The following LRRC4C variants were observed in gnomAD, a reference collection of about 807,000 sequenced individuals.
LRRC4C encodes leucine-rich repeat-containing protein 4C.
In LRRC4C, 5 loss-of-function variants were observed where a neutral mutation model predicts 33.6. That is an observed-to-expected ratio of 0.15 (90% CI 0.08 to 0.31). The LOEUF is 0.31. Among genes scored for constraint, LRRC4C ranks in the 10% least tolerant of loss-of-function variants. LRRC4C has a pLI of 1.00. For missense variants in LRRC4C, 560 were observed against 796.7 expected, an observed-to-expected ratio of 0.70 and a Z score of 3.58; for synonymous variants, 329 against 302.0, an observed-to-expected ratio of 1.09 and a Z score of -0.93.
intron 2 of LRRC4C, among the ~76,000 whole-genome samples, chr11:40,840,897 T>C (rs1952882316): frequency 6.6e-6 from 1 of 152,222 alleles, no homozygotes; most frequent in South Asian, 2.1e-4. Context: ...ACTTCTTCAC[T>C]TTATTTTCCA....
chr11:40,602,490 T>G (rs1960118995), intron 3 of LRRC4C, among the ~76,000 whole-genome samples: 1 of 151,904 alleles, frequency 6.6e-6, no homozygotes, highest in Admixed American at 6.6e-5. Flanking sequence ...AAATACAAAT[T>G]GTAATTATGA....
chr11:41,377,922 C>A (rs984317441), intron 1 of LRRC4C, among the ~76,000 whole-genome samples: 1 of 152,108 alleles, frequency 6.6e-6, no homozygotes, highest in Non-Finnish European at 1.5e-5. Context: ...AGGAGGCAAT[C>A]GCCCTCTTGA....
At chr11:41,399,536 T>C (rs1041104554) in intron 1 of LRRC4C, among the ~76,000 whole-genome samples, 1 of 151,994 alleles carries the variant, frequency 6.6e-6, no homozygotes, top group African/African-American at 2.4e-5. Flanking sequence ...TCAGAGGTAC[T>C]GTAGGGCTCA....
chr11:40,988,780 G>C lies in LRRC4C; in HGVS notation c.-495-55057C>G, dbSNP rs140949300. 3.5e-3 allele frequency among the ~76,000 whole-genome samples: 509 copies of C among 144,714 alleles called. 5 individuals are homozygous for C. The highest frequency in any genetic ancestry group is 0.012 in the African/African-American group (486 of 38,972). The allele number at this position is 144,714 out of a possible 152,430, so 94.9% of individuals were successfully genotyped here. A position where few individuals can be genotyped will look rare whatever the true frequency, so the allele number is the denominator to read the frequency against. Reference sequence around the variant, plus strand: ...CGCCCAGGCTGGAGTGCAGTGGGGAGATCTCGGCCCACTGCAAGCTCCACC... The same window carrying C: ...CGCCCAGGCTGGAGTGCAGTGGGGACATCTCGGCCCACTGCAAGCTCCACC... On this transcript the variant is annotated intron_variant, in intron 1 of 6. Coordinates refer to ENST00000528697, the MANE Select transcript of LRRC4C (RefSeq NM_001258419.2).
chr11:41,227,805 T>C (rs1288860634), intron 1 of LRRC4C, among the ~76,000 whole-genome samples: 1 of 152,166 alleles, frequency 6.6e-6, no homozygotes, highest in Non-Finnish European at 1.5e-5. Flanking sequence ...ATGTATCCTT[T>C]ACATTCCAAA....
At chr11:40,879,059 A>G (rs1344592710) in intron 2 of LRRC4C, among the ~76,000 whole-genome samples, 1 of 152,170 alleles carries the variant, frequency 6.6e-6, no homozygotes, top group Non-Finnish European at 1.5e-5. Flanking sequence ...TATCATCTAT[A>G]ATAATACTGA....
At chr11:40,799,702 C>T (rs577091596) in intron 2 of LRRC4C, among the ~76,000 whole-genome samples, 63 of 152,290 alleles carry the variant, frequency 4.1e-4, no homozygotes, top group Admixed American at 7.2e-4. Context: ...ATTCCTGCCT[C>T]AAGTGATTCA....
chr11:41,410,069 G>T (rs1178862697), intron 1 of LRRC4C, among the ~76,000 whole-genome samples: 1 of 152,136 alleles, frequency 6.6e-6, no homozygotes, highest in Non-Finnish European at 1.5e-5. Flanking sequence ...TTCACAAGGG[G>T]CCTATGTAGG....
At chr11:40,232,081 G>A (rs556507642) in intron 5 of LRRC4C, among the ~76,000 whole-genome samples, 1 of 152,088 alleles carries the variant, frequency 6.6e-6, no homozygotes, top group African/African-American at 2.4e-5. Flanking sequence ...ATCTGGGCTC[G>A]CTGCAACCTC....
At position 40,114,307 on chromosome 11, in the gene LRRC4C, G is replaced by A; in HGVS notation, c.*63C>T. On this transcript the variant is annotated 3_prime_UTR_variant, in exon 7 of 7. Transcript: ENST00000528697. Reference sequence around the variant, plus strand: ...AACAGTAGATTTAGCCCAGTCATTTGTGTCATTTTTAATAAACTGTCTTTT... The same window carrying A: ...AACAGTAGATTTAGCCCAGTCATTTATGTCATTTTTAATAAACTGTCTTTT... 1.4e-6 allele frequency: 2 copies of A among 1,470,584 alleles called. No individual in the cohort carries two copies. Among genetic ancestry groups the A allele is most frequent in the Non-Finnish European group, 1.8e-6 (2 of 1,102,602 alleles). The allele number at this position is 1,470,584 out of a possible 1,614,324, so 91.1% of individuals were successfully genotyped here.
chr11:41,398,324 G>A (rs1039164454), intron 1 of LRRC4C, among the ~76,000 whole-genome samples: 5 of 151,672 alleles, frequency 3.3e-5, no homozygotes, highest in African/African-American at 1.2e-4. Flanking sequence ...AATGTAGTAC[G>A]TACCACCTAC....
chr11:40,459,008 T>C (rs540596613), intron 3 of LRRC4C, among the ~76,000 whole-genome samples: 3 of 152,222 alleles, frequency 2.0e-5, no homozygotes, highest in South Asian at 4.1e-4. Flanking sequence ...TACATGCATA[T>C]ACAGAGATAA....
chr11:40,281,265 G>A (rs780951738), intron 4 of LRRC4C, among the ~76,000 whole-genome samples: 1 of 152,102 alleles, frequency 6.6e-6, no homozygotes, highest in Non-Finnish European at 1.5e-5. Flanking sequence ...TTTTCAGTTA[G>A]TAAAAATCGG....
intron 3 of LRRC4C, among the ~76,000 whole-genome samples, chr11:40,495,875 G>A (rs1192398155): frequency 8.3e-6 from 1 of 121,082 alleles, no homozygotes; most frequent in African/African-American, 3.2e-5. Context: ...TATCGCCCAG[G>A]CTGGAGTGTA....
rs535125194 is a variant in LRRC4C at position 41,349,802 on chromosome 11, G to C, written c.-496+109629C>G. 1.7e-4 allele frequency among the ~76,000 whole-genome samples: 26 copies of C among 152,192 alleles called. 1 individual carries two copies. In the East Asian group the frequency reaches 5.0e-3, roughly 29 times the overall value. On this transcript the variant is annotated intron_variant, in intron 1 of 6. Transcript: ENST00000528697. Reference sequence around the variant, plus strand: ...ACAGCCACACTAGGTCCCCAGCAATGATTCTTTTTTTTCTTTGAAATATTT... The same window carrying C: ...ACAGCCACACTAGGTCCCCAGCAATCATTCTTTTTTTTCTTTGAAATATTT...
chr11:40,541,448 C>T (rs1956703803), intron 3 of LRRC4C, among the ~76,000 whole-genome samples: 2 of 151,988 alleles, frequency 1.3e-5, no homozygotes, highest in Admixed American at 6.6e-5. Flanking sequence ...TGGTAAAAGC[C>T]ATCTTTTCTA....
chr11:40,746,066 AAGG>A (rs1948401971), intron 2 of LRRC4C, among the ~76,000 whole-genome samples: 2 of 152,150 alleles, frequency 1.3e-5, no homozygotes, highest in Admixed American at 1.3e-4. Flanking sequence ...TAAAGCAATG[AAGG>A]AGGAGGAAGC....
intron 1 of LRRC4C, among the ~76,000 whole-genome samples, chr11:41,455,406 C>T (rs1249005449): frequency 1.3e-5 from 2 of 151,942 alleles, no homozygotes; most frequent in African/African-American, 2.4e-5. Flanking sequence ...TAAAATTATG[C>T]CTCATATAGA....
rs189010350 is a variant in LRRC4C at position 40,170,425 on chromosome 11, C to A, written c.-95-29572G>T. On this transcript the variant is annotated intron_variant, in intron 5 of 6. Transcript: ENST00000528697. The stretch of plus-strand genomic sequence containing the variant: ...TTAAATCAAGGCCTCCAAATTACAT[C>A]TTTGGTGAAAGTAAGATACTCACTG... 2.0e-3 allele frequency among the ~76,000 whole-genome samples: 306 copies of A among 152,136 alleles called. 2 individuals are homozygous for A. Among genetic ancestry groups the A allele is most frequent in the Non-Finnish European group, 1.9e-3 (130 of 68,016 alleles).
Sources: gnomAD v4.1 joint callset for allele counts (sites outside exome capture counted in the v4.1 genomes callset) on GRCh38, gnomAD v4.1.1 for gene constraint, MANE v1.5 for transcripts, NCBI Gene and HGNC (gene_info 2026-07-23, HGNC 2026-07-21) for gene names.